The following SIRT6 variants were observed in gnomAD, a reference collection of about 807,000 sequenced individuals.
SIRT6 encodes sirtuin 6, also known as NAD-dependent protein deacylase sirtuin-6.
A neutral mutation model predicts 33.6 loss-of-function variants in SIRT6; 21 were observed. That is an observed-to-expected ratio of 0.62 (90% CI 0.44 to 0.90). SIRT6 has a LOEUF of 0.90. Ranked by LOEUF, SIRT6 falls within the 40% of genes least tolerant of loss-of-function variation. The probability of loss-of-function intolerance (pLI) is 0.00; values close to 1 mark genes in which losing one functional copy is unlikely to be tolerated. For missense variants in SIRT6, 504 were observed against 510.6 expected, an observed-to-expected ratio of 0.99 and a Z score of 0.12; for synonymous variants, 221 against 223.9, an observed-to-expected ratio of 0.99 and a Z score of 0.12.
At chr19:4,177,468 A>G (rs1967374390) in intron 3 of SIRT6, among the ~76,000 whole-genome samples, 1 of 152,062 alleles carries the variant, frequency 6.6e-6, no homozygotes, top group Non-Finnish European at 1.5e-5. Flanking sequence ...TCACCAGGTC[A>G]GAAGCACAGG....
In SIRT6 at chr19:4,174,984, A is replaced by T. The variant is rs746507552; in HGVS notation, c.739-38T>A. On this transcript the variant is annotated intron_variant, in intron 7 of 7. Coordinates refer to ENST00000337491, the MANE Select transcript of SIRT6 (RefSeq NM_016539.4). This position sits in a 1 kb window ranked among gnomAD's most constrained non-coding sequence, Gnocchi z 4.2. Reference sequence around the variant, plus strand: ...GGGACGGGTCAGGCGTGGGGGACAGAGGGTGCATGGTGGCCCTGGGCAGGG... The same window carrying T: ...GGGACGGGTCAGGCGTGGGGGACAGTGGGTGCATGGTGGCCCTGGGCAGGG... The T allele has an allele frequency of 6.2e-7, 1 of 1,608,364 alleles. No individual in the cohort carries two copies. The highest frequency in any genetic ancestry group is 8.5e-7 in the Non-Finnish European group (1 of 1,177,444).
rs199592512 is a variant in SIRT6 at position 4,175,746 on chromosome 19, T to C, written c.548A>G (p.Asp183Gly). 1.6e-5 allele frequency: 25 copies of C among 1,584,026 alleles called. No homozygotes were observed. Among genetic ancestry groups the C allele is most frequent in the Non-Finnish European group, 1.9e-5 (22 of 1,165,162 alleles). ...GGAGTCCTCCCAGTCTAGGATGGTGTCCCTCAGCTCTCCCCTGCAATGAGG... is the reference window on the plus strand; with the variant it reads ...GGAGTCCTCCCAGTCTAGGATGGTGCCCCTCAGCTCTCCCCTGCAATGAGG... ...GLRACRGELR[D>G]TILDWEDSLP... Residue 183 changes from aspartate to glycine, a missense_variant, in exon 6 of 8, where the codon GAC becomes GGC. Physicochemically the swap from Asp to Gly is moderately conservative, Grantham distance 94. Coordinates refer to ENST00000337491, the MANE Select transcript of SIRT6 (RefSeq NM_016539.4).
intron 2 of SIRT6, chr19:4,179,619 C>A (rs1967508917): frequency 5.6e-6 from 2 of 355,714 alleles, no homozygotes; most frequent in Non-Finnish European, 5.2e-6. Context: ...ATTCAACCAA[C>A]ACTGCTGCTG....
chr19:4,182,478 G>C lies in SIRT6; in HGVS notation c.62C>G (p.Pro21Arg). 2 of 1,609,768 alleles carry C rather than the reference G, an allele frequency of 1.2e-6. No homozygotes were observed. Among genetic ancestry groups the C allele is most frequent in the Non-Finnish European group, 1.7e-6 (2 of 1,178,528 alleles). Residue 21 changes from proline (P) to arginine (R), a missense_variant, in exon 1 of 8, where the codon CCG (proline) becomes CGG (arginine). By Grantham distance (103) the Pro-to-Arg change is moderately radical (BLOSUM62 -2). Coordinates refer to ENST00000337491, the MANE Select transcript of SIRT6 (RefSeq NM_016539.4). ...PYADKGKCGL[P>R]EIFDPPEELE... The stretch of plus-strand genomic sequence containing the variant: ...GGGACCCTCAGACGCGCTCACCTCC[G>C]GGAGGCCGCACTTGCCCTTGTCCGC...
chr19:4,177,492 A>C (rs755665564), intron 3 of SIRT6, among the ~76,000 whole-genome samples: 5 of 152,036 alleles, frequency 3.3e-5, no homozygotes, highest in Non-Finnish European at 7.4e-5. Flanking sequence ...TCAAATTCCC[A>C]GTTTATAATG....
intron 6 of SIRT6, 78 bp downstream of exon 6, chr19:4,175,599 GTCC>G: frequency 7.5e-7 from 1 of 1,339,754 alleles, no homozygotes; most frequent in South Asian, 1.5e-5. Context: ...CTCAGCCACT[GTCC>G]CATGCTGGAG....
chr19:4,180,914 G>C lies in SIRT6; in HGVS notation c.67-5C>G, dbSNP rs748302927. 2.8e-5 allele frequency: 45 copies of C among 1,607,988 alleles called. No individual in the cohort carries two copies. Among genetic ancestry groups the C allele is most frequent in the African/African-American group, 4.0e-5 (3 of 74,758 alleles). On this transcript the variant is annotated splice_region_variant and splice_polypyrimidine_tract_variant and intron_variant, in intron 1 of 7. Coordinates refer to ENST00000337491, the MANE Select transcript of SIRT6 (RefSeq NM_016539.4). The stretch of plus-strand genomic sequence containing the variant: ...CTCCTCCGGGGGGTCGAAGATCTGT[G>C]GGGGGAGAGAGCAGACGGAGGGGTC...
In SIRT6 at chr19:4,174,951, C is replaced by G. The variant is rs746558860; in HGVS notation, c.739-5G>C. 6.2e-6 allele frequency: 10 copies of G among 1,609,040 alleles called. No individual in the cohort carries two copies. In the African/African-American group the frequency reaches 1.3e-4, roughly 22 times the overall value. ...GCGGAGGTCAGCATGGCGGTCCTGC[C>G]GAGGGGCGGGACGGGTCAGGCGTGG... On this transcript the variant is annotated splice_region_variant and splice_polypyrimidine_tract_variant and intron_variant, in intron 7 of 7. Transcript: ENST00000337491. This position sits in a 1 kb window ranked among gnomAD's most constrained non-coding sequence, Gnocchi z 4.2.
At chr19:4,180,587 G>T (rs937977367) in intron 2 of SIRT6, 195 bp downstream of exon 2, 4 of 567,216 alleles carry the variant, frequency 7.1e-6, no homozygotes, top group Non-Finnish European at 1.1e-5. Flanking sequence ...CACCATATTG[G>T]CCAGGCTGGT....
At position 4,174,663 on chromosome 19, in the gene SIRT6, GGGGC is replaced by G. The variant is rs1232716301; in HGVS notation, c.1018_1021del (p.Ala340ProfsTer8). ...CTTCACCCTTTTGGGGGGTCTGTGG[GGGGC>G]AGGGCTGGTGGGCCGCTCCCGTTTG... On this transcript the variant is annotated frameshift_variant, in exon 8 of 8. Coordinates refer to ENST00000337491, the MANE Select transcript of SIRT6 (RefSeq NM_016539.4). LOFTEE classifies it high-confidence loss of function. The surrounding 1 kb of genome is among the most constrained non-coding windows in gnomAD (Gnocchi z 4.2). 128 of 1,455,346 alleles carry G rather than the reference GGGGC, an allele frequency of 8.8e-5. No individual in the cohort carries two copies. The highest frequency in any genetic ancestry group is 1.1e-4 in the Non-Finnish European group (121 of 1,101,748). 90.2% of individuals were successfully genotyped at this position (1,455,346 alleles called of 1,614,324 possible). A position where few individuals can be genotyped will look rare whatever the true frequency, so the allele number is the denominator to read the frequency against.
chr19:4,176,234 G>A (rs945757516), intron 4 of SIRT6, among the ~76,000 whole-genome samples: 6 of 152,202 alleles, frequency 3.9e-5, no homozygotes, highest in African/African-American at 1.4e-4. Context: ...GCATGGGGGC[G>A]ACAGGCCGAG....
In SIRT6 at chr19:4,174,670, G is replaced by T; in HGVS notation, c.1015C>A (p.Pro339Thr). The T allele has an allele frequency of 6.9e-7, 1 of 1,459,592 alleles. No homozygotes were observed. The highest frequency in any genetic ancestry group is 9.1e-7 in the Non-Finnish European group (1 of 1,104,030). The allele number at this position is 1,459,592 out of a possible 1,614,324, so 90.4% of individuals were successfully genotyped here. A position where few individuals can be genotyped will look rare whatever the true frequency, so the allele number is the denominator to read the frequency against. ...ASPKRERPTS[P>T]APHRPPKRVK... is the part of the protein sequence containing the mutation. ...CTTTTGGGGGGTCTGTGGGGGGCAG[G>T]GCTGGTGGGCCGCTCCCGTTTGGGG... Residue 339 changes from proline to threonine, a missense_variant, in exon 8 of 8, where the codon CCT (proline) becomes ACT (threonine). By Grantham distance (38) the Pro-to-Thr change is conservative (BLOSUM62 -1). Coordinates refer to ENST00000337491, the MANE Select transcript of SIRT6 (RefSeq NM_016539.4). The surrounding 1 kb of genome is among the most constrained non-coding windows in gnomAD (Gnocchi z 4.2).
Position 4,182,506 on chromosome 19 carries a change from A to C in SIRT6, c.34T>G (p.Tyr12Asp). Residue 12 changes from tyrosine (Y) to aspartate (D), a missense_variant, in exon 1 of 8, where the codon TAC becomes GAC. By Grantham distance (160) the Tyr-to-Asp change is radical (BLOSUM62 -3). Transcript: ENST00000337491. ...AGGCCGCACTTGCCCTTGTCCGCGT[A>C]CGGCGACAGCCCCGCCGCGTAATTC... ...SVNYAAGLSP[Y>D]ADKGKCGLPE... 1 of 1,611,440 alleles carries C rather than the reference A, an allele frequency of 6.2e-7. No individual in the cohort carries two copies.
In SIRT6 at chr19:4,180,894, C is replaced by T. The variant is rs776306176; in HGVS notation, c.82G>A (p.Glu28Lys). The change falls in exon 2 of 8, where the codon GAG (glutamate) becomes AAG (lysine). Residue 28 changes from glutamate (E) to lysine (K), a missense_variant. Transcript: ENST00000337491. ...CGLPEIFDPP[E>K]ELERKVWELA... ...TCCCACACCTTCCGCTCCAGCTCCT[C>T]CGGGGGGTCGAAGATCTGTGGGGGG... 1.7e-5 allele frequency: 27 copies of T among 1,612,094 alleles called. No homozygotes were observed. The highest frequency in any genetic ancestry group is 2.3e-5 in the Non-Finnish European group (27 of 1,179,246).
intron 2 of SIRT6, 82 bp from the exon 3 acceptor site, chr19:4,179,368 A>G: frequency 7.2e-7 from 1 of 1,381,098 alleles, no homozygotes; most frequent in Admixed American, 2.7e-5. Flanking sequence ...AGGTATAGAG[A>G]GAAAGTTGGA....
In SIRT6 at chr19:4,179,957, T is replaced by A. The variant is rs561558315; in HGVS notation, c.195-671A>T. Among the ~76,000 whole-genome samples, 6 of 151,996 alleles carry A rather than the reference T, an allele frequency of 3.9e-5. No individual in the cohort carries two copies. In the East Asian group the frequency reaches 1.2e-3, roughly 29 times the overall value. On this transcript the variant is annotated intron_variant, in intron 2 of 7. Transcript: ENST00000337491. ...GCAGCAGGAGCAGGAGGGGCTGAAG[T>A]TGGAGAGGTGATTCAGGGCTGGGGC...
In SIRT6 at chr19:4,178,000, G is replaced by C. The variant is rs369106939; in HGVS notation, c.378-862C>G. Among the ~76,000 whole-genome samples the C allele has an allele frequency of 2.3e-3, 348 of 151,772 alleles. 1 individual carries two copies. Among genetic ancestry groups the C allele is most frequent in the African/African-American group, 8.1e-3 (334 of 41,414 alleles). ...GGCCTCCCAAAGTGCTGAGATTCCA[G>C]GCATAAGTCACCACACCTGACCCTC... On this transcript the variant is annotated intron_variant, in intron 3 of 7. Transcript: ENST00000337491.
At chr19:4,177,058 C>T (rs1454902807) in intron 4 of SIRT6, 21 bp downstream of exon 4, 8 of 1,612,352 alleles carry the variant, frequency 5.0e-6, no homozygotes, top group Non-Finnish European at 6.8e-6. Flanking sequence ...GCCCCCACCC[C>T]TGCACCCAGG....
At chr19:4,177,276 C>A (rs998751158) in intron 3 of SIRT6, 138 bp from the exon 4 acceptor site, 3 of 732,216 alleles carry the variant, frequency 4.1e-6, no homozygotes, top group Non-Finnish European at 6.9e-6. Flanking sequence ...CTCCTTCTTT[C>A]TGGCTCTTCT....
Sources: gnomAD v4.1 joint callset for allele counts (sites outside exome capture counted in the v4.1 genomes callset) on GRCh38, gnomAD v4.1.1 for gene constraint, Gnocchi (gnomAD v3.1) non-coding constraint, MANE v1.5 for transcripts, NCBI Gene and HGNC (gene_info 2026-07-23, HGNC 2026-07-21) for gene names.